NCOA5: variants seen among roughly 807,000 people sequenced by gnomAD.
NCOA5 encodes NCoA-5.
NCOA5 carries 12 observed loss-of-function variants against 59.0 expected under a neutral mutation model. The observed-to-expected ratio is 0.20, with a 90% CI of 0.13 to 0.33. The LOEUF (loss-of-function observed/expected upper bound fraction) is 0.33, where lower values mean the gene tolerates loss of function less well. Ranked by LOEUF, NCOA5 falls within the 10% of genes least tolerant of loss-of-function variation. The probability of loss-of-function intolerance (pLI) is 1.00; values close to 1 mark genes in which losing one functional copy is unlikely to be tolerated. For missense variants in NCOA5, 655 were observed against 766.6 expected (o/e 0.85, Z 1.72); for synonymous variants, 270 against 275.5 (o/e 0.98, Z 0.20).
Position 46,068,648 on chromosome 20 carries a change from T to G in NCOA5, c.366-10A>C. The G allele has an allele frequency of 1.9e-6, 3 of 1,601,184 alleles. No individual in the cohort carries two copies. Among genetic ancestry groups the G allele is most frequent in the Non-Finnish European group, 2.6e-6 (3 of 1,176,284 alleles). On this transcript the variant is annotated splice_polypyrimidine_tract_variant and intron_variant, in intron 3 of 7. Coordinates refer to ENST00000290231, the MANE Select transcript of NCOA5 (RefSeq NM_020967.3). ...ATAAGAGCCTTCTCTCCTGAAAAGTTAAGGAAATTTTCATAAAGATAAAAC... is the reference window on the plus strand; with the variant it reads ...ATAAGAGCCTTCTCTCCTGAAAAGTGAAGGAAATTTTCATAAAGATAAAAC...
In NCOA5 at chr20:46,068,641, G is replaced by A. The variant is rs2084849736; in HGVS notation, c.366-3C>T. On this transcript the variant is annotated splice_polypyrimidine_tract_variant and splice_region_variant and intron_variant, in intron 3 of 7. Transcript: ENST00000290231. Reference sequence around the variant, plus strand: ...ATCGGTCATAAGAGCCTTCTCTCCTGAAAAGTTAAGGAAATTTTCATAAAG... The same window carrying A: ...ATCGGTCATAAGAGCCTTCTCTCCTAAAAAGTTAAGGAAATTTTCATAAAG... 6.2e-7 allele frequency: 1 copy of A among 1,601,500 alleles called. No homozygotes were observed. The highest frequency in any genetic ancestry group is 1.4e-5 in the African/African-American group (1 of 73,990).
At position 46,070,207 on chromosome 20, in the gene NCOA5, T is replaced by A; in HGVS notation, c.365+3A>T. ...AAAACAAGCAGAGTAACTACGTATG[T>A]ACCTGTACATAGGATCTCGGGAGTC... On this transcript the variant is annotated splice_donor_region_variant and intron_variant, in intron 3 of 7. Coordinates refer to ENST00000290231, the MANE Select transcript of NCOA5 (RefSeq NM_020967.3). The A allele has an allele frequency of 1.2e-6, 2 of 1,611,448 alleles. No individual in the cohort carries two copies. Among genetic ancestry groups the A allele is most frequent in the Non-Finnish European group, 1.7e-6 (2 of 1,177,888 alleles).
In NCOA5 at chr20:46,062,810, G is replaced by A. The variant is rs775939604; in HGVS notation, c.1230C>T (p.Ser410=). The part of the protein sequence containing the change: ...KTQPSSQPLQ[S]GQVLPSATPT... ...GTGTAGCAGAGGGGAGCACTTGGCCGCTCTGGAGCGGTTGGGAGCTTGGCT... is the reference window on the plus strand; with the variant it reads ...GTGTAGCAGAGGGGAGCACTTGGCCACTCTGGAGCGGTTGGGAGCTTGGCT... Residue 410 remains serine (S), a synonymous_variant, in exon 8 of 8, where the codon AGC becomes AGT. Coordinates refer to ENST00000290231, the MANE Select transcript of NCOA5 (RefSeq NM_020967.3). 1.3e-5 allele frequency: 20 copies of A among 1,560,962 alleles called. No homozygotes were observed. Among genetic ancestry groups the A allele is most frequent in the Middle Eastern group, 1.7e-4 (1 of 5,814 alleles).
chr20:46,087,949 AG>A (rs1216468017), intron 1 of NCOA5, among the ~76,000 whole-genome samples: 1 of 116,350 alleles, frequency 8.6e-6, no homozygotes, highest in Non-Finnish European at 2.2e-5. Context: ...TGTTTTTAAC[AG>A]GGGGAGAGAT....
chr20:46,076,431 T>C (rs934703445), intron 2 of NCOA5, among the ~76,000 whole-genome samples: 9 of 152,220 alleles, frequency 5.9e-5, no homozygotes, highest in East Asian at 1.9e-4. Flanking sequence ...GTCTGCCCTA[T>C]TGGTATATCT....
At position 46,072,222 on chromosome 20, in the gene NCOA5, TCTC is replaced by T. The variant is rs549322373; in HGVS notation, c.39-1689_39-1687del. Among the ~76,000 whole-genome samples the T allele has an allele frequency of 6.5e-3, 987 of 152,230 alleles. 2 individuals are homozygous for T. Among genetic ancestry groups the T allele is most frequent in the Non-Finnish European group, 9.2e-3 (626 of 68,008 alleles). On this transcript the variant is annotated intron_variant, in intron 2 of 7. Transcript: ENST00000290231. ...CCACAGCAAGAGCCTTCTAAAGCAG[TCTC>T]CTCATTTCTGTTTTTGCCTCTTTCC...
chr20:46,067,487 G>A (rs2084837214), intron 4 of NCOA5, among the ~76,000 whole-genome samples: 1 of 152,022 alleles, frequency 6.6e-6, no homozygotes, highest in Non-Finnish European at 1.5e-5. Context: ...TTAGTCAACA[G>A]TGAGTACTGT....
intron 1 of NCOA5, among the ~76,000 whole-genome samples, chr20:46,086,003 G>A (rs898745944): frequency 6.6e-6 from 1 of 152,102 alleles, no homozygotes; most frequent in African/African-American, 2.4e-5. Flanking sequence ...TCAATAAAGG[G>A]CTCCCATGTA....
intron 1 of NCOA5, among the ~76,000 whole-genome samples, chr20:46,082,340 T>C (rs2085000579): frequency 6.6e-6 from 1 of 152,050 alleles, no homozygotes; most frequent in Non-Finnish European, 1.5e-5. Context: ...CAAATAGAAA[T>C]GGTGTTAATG....
At chr20:46,089,279 A>G (rs2085074675) in intron 1 of NCOA5, among the ~76,000 whole-genome samples, 1 of 152,010 alleles carries the variant, frequency 6.6e-6, no homozygotes, top group African/African-American at 2.4e-5. Flanking sequence ...GGGGTGTCAC[A>G]CCACAAGGAG....
chr20:46,078,477 G>A (rs749526446), intron 2 of NCOA5, among the ~76,000 whole-genome samples: 1 of 151,004 alleles, frequency 6.6e-6, no homozygotes, highest in African/African-American at 2.5e-5. Flanking sequence ...ACTGTGGTAC[G>A]TAGTTTAGTT....
At chr20:46,069,722 C>T (rs1357479642) in intron 3 of NCOA5, among the ~76,000 whole-genome samples, 1 of 149,944 alleles carries the variant, frequency 6.7e-6, no homozygotes, top group African/African-American at 2.5e-5. Context: ...CAGAATGACA[C>T]CTTGTCTCAA....
At chr20:46,086,292 A>G (rs1410174061) in intron 1 of NCOA5, among the ~76,000 whole-genome samples, 1 of 152,224 alleles carries the variant, frequency 6.6e-6, no homozygotes, top group African/African-American at 2.4e-5. Context: ...GATGTCTGGA[A>G]AAGTTCTGAT....
intron 5 of NCOA5, among the ~76,000 whole-genome samples, chr20:46,066,061 G>A (rs1568877829): frequency 6.6e-6 from 1 of 152,182 alleles, no homozygotes; most frequent in Non-Finnish European, 1.5e-5. Context: ...CCAAGAGCCT[G>A]TGAACTCTGC....
intron 2 of NCOA5, 113 bp from the exon 3 acceptor site, chr20:46,070,649 A>C: frequency 1.0e-6 from 1 of 958,114 alleles, no homozygotes; most frequent in Non-Finnish European, 1.6e-6. Context: ...AAAACAGGGC[A>C]GCCAAACAGA....
intron 1 of NCOA5, among the ~76,000 whole-genome samples, chr20:46,079,869 A>G (rs2084973526): frequency 6.6e-6 from 1 of 152,216 alleles, no homozygotes; most frequent in African/African-American, 2.4e-5. Flanking sequence ...AGCAAAGGCA[A>G]ATAATTCTAT....
intron 2 of NCOA5, among the ~76,000 whole-genome samples, chr20:46,073,193 T>C (rs574675196): frequency 6.6e-6 from 1 of 152,320 alleles, no homozygotes; most frequent in South Asian, 2.1e-4. Context: ...CTACCATGGT[T>C]ACACACGTTA....
intron 1 of NCOA5, among the ~76,000 whole-genome samples, chr20:46,087,316 A>T (rs1335709994): frequency 6.6e-6 from 1 of 152,220 alleles, no homozygotes; most frequent in Non-Finnish European, 1.5e-5. Context: ...AGCACAACTA[A>T]ATTTTATTAA....
chr20:46,068,366 T>G, intron 4 of NCOA5, 136 bp downstream of exon 4: 1 of 838,562 alleles, frequency 1.2e-6, no homozygotes, highest in Non-Finnish European at 1.7e-6. Context: ...AATAAGCTAC[T>G]TATATTTCTT....
Sources: allele counts gnomAD v4.1 joint callset (sites outside exome capture counted in the v4.1 genomes callset), GRCh38; gene constraint gnomAD v4.1.1; transcripts MANE v1.5; gene names NCBI Gene and HGNC (gene_info 2026-07-23, HGNC 2026-07-21).